FBLN1: variants seen among roughly 807,000 people sequenced by gnomAD.
FBLN1 encodes fibulin-1.
In FBLN1, 34 loss-of-function variants were observed where a neutral mutation model predicts 89.7. The observed-to-expected ratio is 0.38, with a 90% CI of 0.29 to 0.50. FBLN1 has a LOEUF of 0.50. Among genes scored for constraint, FBLN1 ranks in the 20% least tolerant of loss-of-function variants. FBLN1 has a pLI of 0.92. For missense variants in FBLN1, 777 were observed against 988.1 expected (o/e 0.79, Z 2.86); for synonymous variants, 393 against 391.3 (o/e 1.00, Z -0.05).
At position 45,583,789 on chromosome 22, in the gene FBLN1, AGAGAGAGAGAGAAT is replaced by A. The variant is rs976185135; in HGVS notation, c.1972+6694_1972+6707del. Among the ~76,000 whole-genome samples the A allele has an allele frequency of 1.6e-4, 24 of 151,628 alleles. No individual in the cohort carries two copies. The highest frequency in any genetic ancestry group is 2.9e-5 in the Non-Finnish European group (2 of 67,848). ...GGGAAGGGGAAGCGCCTGCAGCATG[AGAGAGAGAGAGAAT>A]GAGAGAGAGAGACAGAGAGAGACCT... On this transcript the variant is annotated intron_variant, in intron 16 of 16. Coordinates refer to ENST00000327858, the MANE Select transcript of FBLN1 (RefSeq NM_006486.3). This position sits in a 1 kb window ranked among gnomAD's most constrained non-coding sequence, Gnocchi z 4.5.
Position 45,519,254 on chromosome 22 carries a change from C to T in FBLN1, c.185+467C>T, listed in dbSNP as rs545916851. ...CTTCTGCAGCAGCCAACATCTGGAT[C>T]GACCGTTTTTATTCTTCTCTCCCTA... is the stretch of plus-strand genomic sequence containing the variant. On this transcript the variant is annotated intron_variant, in intron 2 of 16. Coordinates refer to ENST00000327858, the MANE Select transcript of FBLN1 (RefSeq NM_006486.3). Among the ~76,000 whole-genome samples the T allele has an allele frequency of 3.2e-4, 49 of 152,248 alleles. No homozygotes were observed. In the South Asian group the frequency reaches 9.1e-3, roughly 28 times the overall value.
At chr22:45,554,342 C>CT (rs957200511) in intron 14 of FBLN1, among the ~76,000 whole-genome samples, 1 of 152,252 alleles carries the variant, frequency 6.6e-6, no homozygotes, top group African/African-American at 2.4e-5. Flanking sequence ...CTCAGATCGC[C>CT]TGGAGCACTC....
rs555763851 is a variant in FBLN1 at position 45,561,026 on chromosome 22, T to G, written c.1697+10411T>G. Among the ~76,000 whole-genome samples the G allele has an allele frequency of 1.3e-5, 2 of 151,022 alleles. No homozygotes were observed. The highest frequency in any genetic ancestry group is 4.2e-4 in the South Asian group (2 of 4,772). ...GGGATGGGGAAGCTGTTAAGCTGTT[T>G]CTTCTGGCAAAAAAGATTCATCAGA... On this transcript the variant is annotated intron_variant, in intron 14 of 16. Transcript: ENST00000327858. This position sits in a 1 kb window ranked among gnomAD's most constrained non-coding sequence, Gnocchi z 4.7.
Position 45,528,013 on chromosome 22 carries a change from A to G in FBLN1, c.484+4A>G, listed in dbSNP as rs778856178. ...GTCGGGGGCCTCCAAGAAACGGGTA[A>G]CTTTCCCCCTTCCTTCCCTAATGAG... On this transcript the variant is annotated splice_donor_region_variant and intron_variant, in intron 4 of 16. Transcript: ENST00000327858. The G allele has an allele frequency of 1.9e-6, 3 of 1,614,064 alleles. No homozygotes were observed. The highest frequency in any genetic ancestry group is 1.3e-5 in the African/African-American group (1 of 74,946).
At chr22:45,514,522 C>T (rs2146945101) in intron 1 of FBLN1, among the ~76,000 whole-genome samples, 1 of 152,350 alleles carries the variant, frequency 6.6e-6, no homozygotes, top group Non-Finnish European at 1.5e-5. Flanking sequence ...GAAATTCTAA[C>T]CAGCCCCGTA....
At position 45,532,758 on chromosome 22, in the gene FBLN1, C is replaced by T; in HGVS notation, c.545-305C>T. 1 of 475,476 alleles carries T rather than the reference C, an allele frequency of 2.1e-6. No individual in the cohort carries two copies. The highest frequency in any genetic ancestry group is 3.9e-6 in the Non-Finnish European group (1 of 258,044). 29.5% of individuals were successfully genotyped at this position (475,476 alleles called of 1,614,324 possible). On this transcript the variant is annotated intron_variant, in intron 5 of 16. Transcript: ENST00000327858. This position sits in a 1 kb window ranked among gnomAD's most constrained non-coding sequence, Gnocchi z 4.2. ...GGAGCCCACACCCCCATGTCTGTGA[C>T]CGGCAGTGAGCTCTTCTCTGCTTCG...
rs1426560683 is a variant in FBLN1, at chr22:45,556,474, C to T, written c.1697+5859C>T. On this transcript the variant is annotated intron_variant, in intron 14 of 16. Coordinates refer to ENST00000327858, the MANE Select transcript of FBLN1 (RefSeq NM_006486.3). This position sits in a 1 kb window ranked among gnomAD's most constrained non-coding sequence, Gnocchi z 4.6. ...TTTTTTTTTTTCCTGGTGGAGTGAC[C>T]CAAACCTTCATTCCTGAAGGGTCTG... Among the ~76,000 whole-genome samples, 5 of 151,908 alleles carry T rather than the reference C, an allele frequency of 3.3e-5. No individual in the cohort carries two copies. The highest frequency in any genetic ancestry group is 1.2e-4 in the African/African-American group (5 of 41,330).
At chr22:45,592,607 C>T (rs113654074) in intron 16 of FBLN1, among the ~76,000 whole-genome samples, 3,229 of 152,304 alleles carry the variant, frequency 0.021, 124 homozygotes, top group African/African-American at 0.074. Flanking sequence ...GGATGACAGG[C>T]GTGAGTCACC....
intron 3 of FBLN1, among the ~76,000 whole-genome samples, chr22:45,525,912 G>A (rs78093624): frequency 1.3e-5 from 2 of 152,234 alleles, no homozygotes; most frequent in Non-Finnish European, 2.9e-5. Flanking sequence ...ACGAGGCCGG[G>A]GGGTGAAGTG....
intron 11 of FBLN1, among the ~76,000 whole-genome samples, chr22:45,546,682 G>A (rs1870035825): frequency 6.6e-6 from 1 of 152,212 alleles, no homozygotes; most frequent in Non-Finnish European, 1.5e-5. Flanking sequence ...GAGGAGTACT[G>A]GCGTATGGGC....
intron 11 of FBLN1, among the ~76,000 whole-genome samples, chr22:45,544,580 A>G (rs2088602409): frequency 1.3e-5 from 2 of 152,236 alleles, no homozygotes; most frequent in African/African-American, 4.8e-5. Context: ...GCTTCTAAGG[A>G]ACATGGAGGT....
chr22:45,571,503 C>G (rs2088953266), intron 14 of FBLN1, among the ~76,000 whole-genome samples: 1 of 152,104 alleles, frequency 6.6e-6, no homozygotes, highest in Non-Finnish European at 1.5e-5. Context: ...ATAGGGAGAG[C>G]ATATCAAAAA....
intron 2 of FBLN1, among the ~76,000 whole-genome samples, chr22:45,522,096 C>T (rs898154448): frequency 1.3e-5 from 2 of 152,092 alleles, no homozygotes; most frequent in African/African-American, 4.8e-5. Flanking sequence ...AGCGATTCTC[C>T]TGCCTCAGCC....
chr22:45,580,349 C>T lies in FBLN1; in HGVS notation c.1972+3241C>T, dbSNP rs1035169142. 6.6e-5 allele frequency among the ~76,000 whole-genome samples: 10 copies of T among 152,158 alleles called. No homozygotes were observed. Among genetic ancestry groups the T allele is most frequent in the South Asian group, 2.1e-4 (1 of 4,828 alleles). On this transcript the variant is annotated intron_variant, in intron 16 of 16. Coordinates refer to ENST00000327858, the MANE Select transcript of FBLN1 (RefSeq NM_006486.3). The surrounding 1 kb of genome is among the most constrained non-coding windows in gnomAD (Gnocchi z 8.6). ...CACGGCAGGGAACGCCGCCTACTCA[C>T]GGTGCTTGCTGAACACCTGTCTGCT...
At chr22:45,587,908 G>C (rs1335228826) in intron 16 of FBLN1, among the ~76,000 whole-genome samples, 1 of 152,070 alleles carries the variant, frequency 6.6e-6, no homozygotes, top group Non-Finnish European at 1.5e-5. Flanking sequence ...TTGTGCTCCA[G>C]TGGCCCCAGA....
chr22:45,522,719 C>A (rs1396220084), intron 2 of FBLN1, among the ~76,000 whole-genome samples: 1 of 152,242 alleles, frequency 6.6e-6, no homozygotes, highest in Non-Finnish European at 1.5e-5. Context: ...AGATCTAAAT[C>A]CACCTAAAAC....
chr22:45,521,914 A>T (rs373993552), intron 2 of FBLN1, among the ~76,000 whole-genome samples: 20 of 152,340 alleles, frequency 1.3e-4, no homozygotes, highest in African/African-American at 4.1e-4. Flanking sequence ...GAATCCTCTT[A>T]ATAGTGATAT....
At chr22:45,511,424 G>A (rs9626367) in intron 1 of FBLN1, among the ~76,000 whole-genome samples, 5,652 of 150,108 alleles carry the variant, frequency 0.038, 350 homozygotes, top group African/African-American at 0.13. Flanking sequence ...AAAGTGCTGG[G>A]ATTACAGGCA....
At chr22:45,546,850 G>A (rs1213232514) in intron 11 of FBLN1, among the ~76,000 whole-genome samples, 1 of 152,220 alleles carries the variant, frequency 6.6e-6, no homozygotes, top group African/African-American at 2.4e-5. Context: ...GGAGGCGATC[G>A]CTGCCATCCT....
Sources: gnomAD v4.1 joint callset for allele counts (sites outside exome capture counted in the v4.1 genomes callset) on GRCh38, gnomAD v4.1.1 for gene constraint, Gnocchi (gnomAD v3.1) non-coding constraint, MANE v1.5 for transcripts, NCBI Gene and HGNC (gene_info 2026-07-23, HGNC 2026-07-21) for gene names.